Variants in GRID2 observed in about 807,000 individuals in gnomAD.
GRID2 encodes glutamate receptor ionotropic, delta-2.
In GRID2, 33 loss-of-function variants were observed where a neutral mutation model predicts 114.8. The observed-to-expected ratio is 0.29, with a 90% confidence interval of 0.22 to 0.38. GRID2 has a LOEUF of 0.38. Among genes scored for constraint, GRID2 ranks in the 10% least tolerant of loss-of-function variants. GRID2 has a pLI of 1.00. For synonymous variants in GRID2, 505 were observed against 449.9 expected, an observed-to-expected ratio of 1.12 and a Z score of -1.55; for missense variants, 1,184 against 1,257.7, an observed-to-expected ratio of 0.94 and a Z score of 0.89.
intron 14 of GRID2, among the ~76,000 whole-genome samples, chr4:93,750,313 G>C (rs1264581197): frequency 6.6e-6 from 1 of 152,110 alleles, no homozygotes. Flanking sequence ...GAATCCCCTT[G>C]GGAAAGTGCT....
intron 2 of GRID2, among the ~76,000 whole-genome samples, chr4:92,638,765 C>A (rs1731198790): frequency 6.7e-6 from 1 of 149,880 alleles, no homozygotes; most frequent in South Asian, 2.1e-4. Flanking sequence ...TTTTTAATAA[C>A]AAATTTATTT....
At chr4:93,297,923 T>C (rs1018665067) in intron 8 of GRID2, among the ~76,000 whole-genome samples, 1 of 152,180 alleles carries the variant, frequency 6.6e-6, no homozygotes, top group Non-Finnish European at 1.5e-5. Flanking sequence ...TCAGATTCTG[T>C]TCACTTTCTT....
At chr4:93,268,865 G>A (rs1423463381) in intron 8 of GRID2, among the ~76,000 whole-genome samples, 1 of 152,152 alleles carries the variant, frequency 6.6e-6, no homozygotes, top group Non-Finnish European at 1.5e-5. Context: ...CTTGTTGTAT[G>A]ATTCTGGTAG....
intron 13 of GRID2, among the ~76,000 whole-genome samples, chr4:93,615,635 A>AC (rs374022419): frequency 8.6e-5 from 12 of 138,744 alleles, no homozygotes; most frequent in South Asian, 2.3e-4. Context: ...AAAGGCCTTC[A>AC]CCCCAAAAAA....
At chr4:93,621,900 G>A (rs1420150294) in intron 13 of GRID2, among the ~76,000 whole-genome samples, 1 of 151,300 alleles carries the variant, frequency 6.6e-6, no homozygotes, top group Non-Finnish European at 1.5e-5. Context: ...ATAATGGCAA[G>A]GATAATGTTA....
chr4:93,553,883 A>T (rs114038585), intron 13 of GRID2, among the ~76,000 whole-genome samples: 1,726 of 152,250 alleles, frequency 0.011, 39 homozygotes, highest in African/African-American at 0.039. Flanking sequence ...TTTGCCATGG[A>T]TATTATACTT....
chr4:93,579,831 C>A (rs1488034770), intron 13 of GRID2, among the ~76,000 whole-genome samples: 1 of 152,138 alleles, frequency 6.6e-6, no homozygotes, highest in Non-Finnish European at 1.5e-5. Flanking sequence ...TTCCAACTCC[C>A]TCTTGCTTTC....
chr4:93,011,498 G>A (rs1016374350), intron 2 of GRID2, among the ~76,000 whole-genome samples: 1 of 152,034 alleles, frequency 6.6e-6, no homozygotes, highest in East Asian at 1.9e-4. Flanking sequence ...CTGGAAACCA[G>A]CCCCCATGCT....
rs564850528 is a variant in GRID2 at position 93,741,812 on chromosome 4, T to A, written c.2361-27398T>A. 9.1e-4 allele frequency among the ~76,000 whole-genome samples: 138 copies of A among 151,446 alleles called. 1 individual carries two copies. Among genetic ancestry groups the A allele is most frequent in the Admixed American group, 2.0e-3 (30 of 15,190 alleles). The stretch of plus-strand genomic sequence containing the variant: ...GGTGGTGCACGCCTGTAATCCCAGC[T>A]ACTTGGGAGGCTGAAGCAGTAGAAT... On this transcript the variant is annotated intron_variant, in intron 14 of 15. Coordinates refer to ENST00000282020, the MANE Select transcript of GRID2 (RefSeq NM_001510.4).
chr4:93,797,427 G>A (rs1331723774), intron 1 of GRID2, among the ~76,000 whole-genome samples: 1 of 152,170 alleles, frequency 6.6e-6, no homozygotes, highest in Non-Finnish European at 1.5e-5. Context: ...GCAGAAAAAT[G>A]TGTCTGAATA....
chr4:92,924,677 A>C (rs1219369294), intron 2 of GRID2, among the ~76,000 whole-genome samples: 1 of 152,170 alleles, frequency 6.6e-6, no homozygotes, highest in East Asian at 1.9e-4. Flanking sequence ...TGGAGAACAA[A>C]AACACAGCAT....
intron 1 of GRID2, among the ~76,000 whole-genome samples, chr4:92,542,008 C>G (rs1725989770): frequency 6.6e-6 from 1 of 151,986 alleles, no homozygotes; most frequent in Non-Finnish European, 1.5e-5. Flanking sequence ...TATTTTAACT[C>G]TTAATCCTTT....
chr4:93,443,183 G>A (rs888818629), intron 10 of GRID2, among the ~76,000 whole-genome samples: 1 of 151,908 alleles, frequency 6.6e-6, no homozygotes, highest in African/African-American at 2.4e-5. Context: ...AGCAGCCAAA[G>A]TGATTGTTTT....
chr4:93,126,102 A>C (rs953383361), intron 4 of GRID2, among the ~76,000 whole-genome samples: 10 of 152,212 alleles, frequency 6.6e-5, no homozygotes, highest in African/African-American at 2.4e-4. Flanking sequence ...CTTCTTAGTG[A>C]ATAAAAATAA....
At chr4:93,535,498 A>T (rs1007777920) in intron 13 of GRID2, among the ~76,000 whole-genome samples, 1 of 151,988 alleles carries the variant, frequency 6.6e-6, no homozygotes, top group African/African-American at 2.4e-5. Context: ...GGCTGTAAAA[A>T]TTGACATTCC....
intron 4 of GRID2, among the ~76,000 whole-genome samples, chr4:93,126,468 A>G (rs952654008): frequency 1.3e-5 from 2 of 151,482 alleles, no homozygotes; most frequent in Admixed American, 1.3e-4. Flanking sequence ...TGTCCTGTGC[A>G]TTATAACATG....
At chr4:92,436,467 T>G (rs1375339324) in intron 1 of GRID2, among the ~76,000 whole-genome samples, 1 of 152,180 alleles carries the variant, frequency 6.6e-6, no homozygotes, top group Non-Finnish European at 1.5e-5. Context: ...TCTGATTTTA[T>G]TTTATTTATG....
chr4:92,374,233 C>G (rs1343089663), intron 1 of GRID2, among the ~76,000 whole-genome samples: 2 of 152,120 alleles, frequency 1.3e-5, no homozygotes, highest in Non-Finnish European at 2.9e-5. Context: ...CTCTTTAAAG[C>G]CTAGTACCTA....
chr4:92,919,204 T>G (rs1749088655), intron 2 of GRID2, among the ~76,000 whole-genome samples: 1 of 152,184 alleles, frequency 6.6e-6, no homozygotes. Flanking sequence ...GATATCCCCT[T>G]TATCATTTTT....
Sources: allele counts gnomAD v4.1 joint callset (sites outside exome capture counted in the v4.1 genomes callset), GRCh38; gene constraint gnomAD v4.1.1; transcripts MANE v1.5; gene names NCBI Gene and HGNC (gene_info 2026-07-23, HGNC 2026-07-21).